The following CFAP53 variants were observed in gnomAD, a reference collection of about 807,000 sequenced individuals.
CFAP53 encodes cilia- and flagella-associated protein 53.
In CFAP53, 62 loss-of-function variants were observed where a neutral mutation model predicts 59.7. The observed-to-expected ratio is 1.04, with a 90% CI of 0.85 to 1.28. CFAP53 has a LOEUF of 1.28. Among genes scored for constraint, CFAP53 ranks in the 50% most tolerant of loss-of-function variants. The pLI is 0.00. For missense variants in CFAP53, 629 were observed against 615.6 expected (o/e 1.02, Z -0.23); for synonymous variants, 218 against 205.7 (o/e 1.06, Z -0.51).
intron 4 of CFAP53, 74 bp from the exon 5 acceptor site, chr18:50,251,050 G>T: frequency 1.6e-6 from 2 of 1,232,926 alleles, no homozygotes; most frequent in Non-Finnish European, 2.4e-6. Context: ...TGACTTCAGA[G>T]ATGGGAATAA....
At chr18:50,242,851 AAATTG>A (rs751514487) in intron 6 of CFAP53, 44 bp downstream of exon 6, 2 of 1,474,250 alleles carry the variant, frequency 1.4e-6, no homozygotes, top group Non-Finnish European at 1.9e-6. Flanking sequence ...GTTGTTACTT[AAATTG>A]AATTAAGGGC....
intron 6 of CFAP53, among the ~76,000 whole-genome samples, chr18:50,240,500 G>A (rs146452670): frequency 2.0e-5 from 3 of 152,288 alleles, no homozygotes; most frequent in East Asian, 1.9e-4. Flanking sequence ...CAGGGGCCAC[G>A]TGAGTCAGGA....
In CFAP53 at chr18:50,250,947, C is replaced by T. The variant is rs374506948; in HGVS notation, c.807G>A (p.Glu269=). The change falls in exon 5 of 8, where the codon GAG becomes GAA. Residue 269 remains glutamate (E), a synonymous_variant. Coordinates refer to ENST00000398545, the MANE Select transcript of CFAP53 (RefSeq NM_145020.5). ...VESNNAQIKH[E]NEQDMLKKQK... Reference sequence around the variant, plus strand: ...GTTTCTTTAGCATATCCTGTTCATTCTCATGTTTAATCTGTGCGTTGTTAC... The same window carrying T: ...GTTTCTTTAGCATATCCTGTTCATTTTCATGTTTAATCTGTGCGTTGTTAC... 48 of 1,613,964 alleles carry T rather than the reference C, an allele frequency of 3.0e-5. No individual in the cohort carries two copies. The African/African-American group carries it at 5.9e-4, about 20-fold the overall frequency.
rs553177796 is a variant in CFAP53, at chr18:50,261,067, A to C, written c.470T>G (p.Phe157Cys). 41 of 1,592,850 alleles carry C rather than the reference A, an allele frequency of 2.6e-5. No individual in the cohort carries two copies. In the African/African-American group the frequency reaches 4.9e-4, roughly 19 times the overall value. Residue 157 changes from phenylalanine to cysteine, a missense_variant, in exon 3 of 8, where the codon TTC (phenylalanine) becomes TGC (cysteine). Coordinates refer to ENST00000398545, the MANE Select transcript of CFAP53 (RefSeq NM_145020.5). Reference protein sequence around the residue: ...DFVAEKLDQQFRERCEELRVE... With the variant: ...DFVAEKLDQQCRERCEELRVE... ...GTGTGTTTTCTGATTTCATTACCTGAATTGCTGGTCTAGCTTTTCAGCCAC... is the reference window on the plus strand; with the variant it reads ...GTGTGTTTTCTGATTTCATTACCTGCATTGCTGGTCTAGCTTTTCAGCCAC...
chr18:50,253,316 G>A (rs756811762), intron 3 of CFAP53, among the ~76,000 whole-genome samples: 2 of 152,126 alleles, frequency 1.3e-5, no homozygotes, highest in Non-Finnish European at 2.9e-5. Flanking sequence ...GCGCCCAGCC[G>A]TAAGACCCAG....
chr18:50,243,687 C>T (rs1461266496), intron 5 of CFAP53, among the ~76,000 whole-genome samples: 2 of 152,166 alleles, frequency 1.3e-5, no homozygotes, highest in Admixed American at 6.5e-5. Context: ...CTCAGTGGCT[C>T]AAGCCTGTAA....
intron 7 of CFAP53, among the ~76,000 whole-genome samples, 157 bp downstream of exon 7, chr18:50,238,446 C>A (rs371057232): frequency 5.9e-5 from 9 of 152,186 alleles, no homozygotes; most frequent in Admixed American, 2.0e-4. Context: ...GAGATGAGAT[C>A]TTGCTATACT....
chr18:50,243,972 A>C (rs2033718431), intron 5 of CFAP53, among the ~76,000 whole-genome samples: 1 of 151,602 alleles, frequency 6.6e-6, no homozygotes, highest in Admixed American at 6.6e-5. Flanking sequence ...AAACAAAAAC[A>C]AAAAAAATCA....
chr18:50,252,975 C>G (rs983660238), intron 3 of CFAP53, among the ~76,000 whole-genome samples: 1 of 151,990 alleles, frequency 6.6e-6, no homozygotes, highest in Non-Finnish European at 1.5e-5. Flanking sequence ...AGGACCATAC[C>G]AATGCGTTCT....
chr18:50,242,789 TGCATCCCTCA>T, intron 6 of CFAP53, 101 bp downstream of exon 6: 3 of 875,702 alleles, frequency 3.4e-6, no homozygotes, highest in Admixed American at 2.1e-5. Flanking sequence ...TCATCCTTTT[TGCATCCCTCA>T]TGGTGTTTTA....
At chr18:50,236,053 G>C (rs1451371345) in intron 7 of CFAP53, among the ~76,000 whole-genome samples, 1 of 152,172 alleles carries the variant, frequency 6.6e-6, no homozygotes, top group Non-Finnish European at 1.5e-5. Flanking sequence ...CATGGCCCAG[G>C]ACATACAGCC....
intron 7 of CFAP53, among the ~76,000 whole-genome samples, chr18:50,231,059 A>G (rs751822295): frequency 6.6e-6 from 1 of 152,318 alleles, no homozygotes; most frequent in South Asian, 2.1e-4. Flanking sequence ...CTGTGCAGAT[A>G]ACATACAAAA....
intron 7 of CFAP53, among the ~76,000 whole-genome samples, chr18:50,236,518 G>A (rs1197084248): frequency 1.3e-5 from 2 of 152,074 alleles, no homozygotes; most frequent in East Asian, 3.8e-4. Flanking sequence ...TAACTGGCCT[G>A]GCAGCTGCTT....
Position 50,251,544 on chromosome 18 carries a change from G to C in CFAP53, c.714C>G (p.Ile238Met). The part of the protein sequence containing the change: ...ENTRLGLNAQ[I>M]TSIKAQRQAT... ...CCTGCCTTTGTGCCTTGATGCTGGT[G>C]ATCTGGGCATTCAGCCCCAGGCGTG... is the stretch of plus-strand genomic sequence containing the variant. The change falls in exon 4 of 8, where the codon ATC becomes ATG. Residue 238 changes from isoleucine to methionine, a missense_variant. Coordinates refer to ENST00000398545, the MANE Select transcript of CFAP53 (RefSeq NM_145020.5). The C allele has an allele frequency of 6.2e-7, 1 of 1,614,168 alleles. No individual in the cohort carries two copies. The highest frequency in any genetic ancestry group is 8.5e-7 in the Non-Finnish European group (1 of 1,180,012).
Position 50,266,471 on chromosome 18 carries a change from AC to A in CFAP53, c.-68del. 3 of 1,506,034 alleles carry A rather than the reference AC, an allele frequency of 2.0e-6. No individual in the cohort carries two copies. The South Asian group carries it at 3.4e-5, about 17-fold the overall frequency. The allele number at this position is 1,506,034 out of a possible 1,614,324, so 93.3% of individuals were successfully genotyped here. ...TCCCCCAACCGTGGCGACCTGCGGG[AC>A]CCGCTTCCGCGACGCAGAAGTCTGG... On this transcript the variant is annotated 5_prime_UTR_variant, in exon 1 of 8. Coordinates refer to ENST00000398545, the MANE Select transcript of CFAP53 (RefSeq NM_145020.5).
At chr18:50,260,580 A>C (rs930940436) in intron 3 of CFAP53, among the ~76,000 whole-genome samples, 4 of 152,086 alleles carry the variant, frequency 2.6e-5, no homozygotes, top group Non-Finnish European at 5.9e-5. Flanking sequence ...TGGGAGGATC[A>C]CTTTGGGCTC....
At chr18:50,259,225 A>G (rs1234235854) in intron 3 of CFAP53, among the ~76,000 whole-genome samples, 1 of 152,220 alleles carries the variant, frequency 6.6e-6, no homozygotes, top group Non-Finnish European at 1.5e-5. Flanking sequence ...AGATGAATGG[A>G]TAAAGAAAAT....
chr18:50,263,057 C>G (rs1021801629), intron 1 of CFAP53, among the ~76,000 whole-genome samples: 1 of 152,184 alleles, frequency 6.6e-6, no homozygotes, highest in African/African-American at 2.4e-5. Flanking sequence ...TAGCCTATAT[C>G]TTTTTCCTTT....
intron 5 of CFAP53, among the ~76,000 whole-genome samples, chr18:50,245,340 C>G (rs549128653): frequency 2.7e-4 from 39 of 146,908 alleles, no homozygotes; most frequent in Non-Finnish European, 5.5e-4. Context: ...CGAGATTGCA[C>G]CACTGCAGTC....
Sources: allele counts gnomAD v4.1 joint callset (sites outside exome capture counted in the v4.1 genomes callset), GRCh38; gene constraint gnomAD v4.1.1; transcripts MANE v1.5; gene names NCBI Gene and HGNC (gene_info 2026-07-23, HGNC 2026-07-21).